The following ZNF628 variants were observed in gnomAD, a reference collection of about 807,000 sequenced individuals.
The protein encoded by ZNF628 is zinc finger protein Zec.
In ZNF628, 3 loss-of-function variants were observed where a neutral mutation model predicts 2.5. The observed-to-expected ratio is 1.19, with a 90% CI of 0.54 to 3.07. The LOEUF is 3.07. Ranked by LOEUF, ZNF628 falls within the 30% of genes most tolerant of loss-of-function variation. The probability of loss-of-function intolerance (pLI) is 0.03; values close to 1 mark genes in which losing one functional copy is unlikely to be tolerated. For synonymous variants in ZNF628, 861 were observed against 717.1 expected, an observed-to-expected ratio of 1.20 and a Z score of -3.21; for missense variants, 1,610 against 1,517.1, an observed-to-expected ratio of 1.06 and a Z score of -1.02.
Position 55,483,429 on chromosome 19 carries a change from C to A in ZNF628, c.2236C>A (p.Pro746Thr). 6.6e-7 allele frequency: 1 copy of A among 1,518,162 alleles called. No individual in the cohort carries two copies. Among genetic ancestry groups the A allele is most frequent in the South Asian group, 1.3e-5 (1 of 79,592 alleles). The allele number at this position is 1,518,162 out of a possible 1,614,324, so 94.0% of individuals were successfully genotyped here. A position where few individuals can be genotyped will look rare whatever the true frequency, so the allele number is the denominator to read the frequency against. ...PPAPPKLILL[P>T]SSSAGAGGGR... ...CGCACCTCCCAAGCTCATCCTGCTGCCCTCCTCCAGTGCTGGGGCTGGGGG... is the reference window on the plus strand; with the variant it reads ...CGCACCTCCCAAGCTCATCCTGCTGACCTCCTCCAGTGCTGGGGCTGGGGG... The change falls in exon 3 of 3, where the codon CCC becomes ACC. Residue 746 changes from proline to threonine, a missense_variant. Pro to Thr is a conservative substitution (Grantham distance 38). Around this residue, in one of 5 missense-constraint regions of ZNF628, gnomAD observed 712 missense variants for 603.6 expected, o/e 1.18. Transcript: ENST00000598519.
Position 55,481,589 on chromosome 19 carries a change from G to A in ZNF628, c.396G>A (p.Ser132=), listed in dbSNP as rs1451802881. The part of the protein sequence containing the change: ...CGQCGLAFKW[S]SHYQYHLRQH... ...AGTGCGGCCTGGCCTTCAAGTGGTC[G>A]TCCCACTACCAGTACCACTTAAGGC... is the stretch of plus-strand genomic sequence containing the variant. Residue 132 remains serine, a synonymous_variant, in exon 3 of 3, where the codon TCG becomes TCA. Transcript: ENST00000598519. The A allele has an allele frequency of 2.5e-6, 4 of 1,608,598 alleles. No individual in the cohort carries two copies. Among genetic ancestry groups the A allele is most frequent in the East Asian group, 2.2e-5 (1 of 44,534 alleles).
Position 55,479,716 on chromosome 19 carries a change from C to T in ZNF628, c.-77-118C>T. 2.6e-6 allele frequency: 1 copy of T among 386,538 alleles called. No individual in the cohort carries two copies. Among genetic ancestry groups the T allele is most frequent in the Non-Finnish European group, 4.6e-6 (1 of 218,674 alleles). 23.9% of individuals were successfully genotyped at this position (386,538 alleles called of 1,614,324 possible). On this transcript the variant is annotated intron_variant, in intron 1 of 2. Transcript: ENST00000598519. This position sits in a 1 kb window ranked among gnomAD's most constrained non-coding sequence, Gnocchi z 5.1. ...TCTAGTTAACAGATAACCCCAAATG[C>T]CTCCAGGCATTGCGGGATGTCCCCT...
In ZNF628 at chr19:55,482,142, C is replaced by T. The variant is rs1163391130; in HGVS notation, c.949C>T (p.Pro317Ser). Residue 317 changes from proline to serine, a missense_variant, in exon 3 of 3, where the codon CCC becomes TCC. Transcript: ENST00000598519. ...GCTGCTCCTGGAGCACCAGCCGTGCCCCGGGCCCGATGCGGCGCCCCAGCC... is the reference window on the plus strand; with the variant it reads ...GCTGCTCCTGGAGCACCAGCCGTGCTCCGGGCCCGATGCGGCGCCCCAGCC... The part of the protein sequence containing the change: ...EELLLEHQPC[P>S]GPDAAPQPQE... The T allele has an allele frequency of 2.0e-6, 3 of 1,502,682 alleles. No homozygotes were observed. The highest frequency in any genetic ancestry group is 2.7e-6 in the Non-Finnish European group (3 of 1,129,356). 93.1% of individuals were successfully genotyped at this position (1,502,682 alleles called of 1,614,324 possible).
At position 55,483,254 on chromosome 19, in the gene ZNF628, G is replaced by A. The variant is rs978583793; in HGVS notation, c.2061G>A (p.Thr687=). The A allele has an allele frequency of 8.5e-6, 13 of 1,530,714 alleles. No homozygotes were observed. The highest frequency in any genetic ancestry group is 1.1e-5 in the Non-Finnish European group (13 of 1,143,300). 94.8% of individuals were successfully genotyped at this position (1,530,714 alleles called of 1,614,324 possible). Reference sequence around the variant, plus strand: ...ACGTCCTGCCCCACCTCCAGGCCACGCTCTCCCTCGAGGTGGCGGGGGGCA... The same window carrying A: ...ACGTCCTGCCCCACCTCCAGGCCACACTCTCCCTCGAGGTGGCGGGGGGCA... ...DVHVLPHLQA[T]LSLEVAGGTA... The change falls in exon 3 of 3, where the codon ACG becomes ACA. Residue 687 remains threonine (T), a synonymous_variant. Coordinates refer to ENST00000598519, the MANE Select transcript of ZNF628 (RefSeq NM_033113.3).
rs1206414477 is a variant in ZNF628 at position 55,483,122 on chromosome 19, G to T, written c.1929G>T (p.Thr643=). The T allele has an allele frequency of 1.9e-6, 3 of 1,592,870 alleles. No homozygotes were observed. Among genetic ancestry groups the T allele is most frequent in the Non-Finnish European group, 2.6e-6 (3 of 1,174,996 alleles). ...MAAYLQRHLR[T]HAPANTPPST... is the part of the protein sequence containing the mutation. ...CCTATCTGCAGCGGCACCTGAGGAC[G>T]CACGCCCCGGCCAACACGCCTCCCA... Residue 643 remains threonine, a synonymous_variant, in exon 3 of 3, where the codon ACG becomes ACT. Coordinates refer to ENST00000598519, the MANE Select transcript of ZNF628 (RefSeq NM_033113.3).
rs1300998745 is a variant in ZNF628, at chr19:55,479,377, G to A, written c.-77-457G>A. The stretch of plus-strand genomic sequence containing the variant: ...TTGAGCTGCTCTGCTGTGAAGGAAT[G>A]GAGAAACGAGTCTGCAGCTGGACAG... On this transcript the variant is annotated intron_variant, in intron 1 of 2. Coordinates refer to ENST00000598519, the MANE Select transcript of ZNF628 (RefSeq NM_033113.3). This position sits in a 1 kb window ranked among gnomAD's most constrained non-coding sequence, Gnocchi z 5.1. Among the ~76,000 whole-genome samples, 1 of 152,240 alleles carries A rather than the reference G, an allele frequency of 6.6e-6. No individual in the cohort carries two copies. The highest frequency in any genetic ancestry group is 1.5e-5 in the Non-Finnish European group (1 of 68,048).
At chr19:55,481,175 C>G in intron 2 of ZNF628, 26 bp from the exon 3 acceptor site, 4 of 1,495,760 alleles carry the variant, frequency 2.7e-6, no homozygotes, top group Non-Finnish European at 3.6e-6. Context: ...CGGGGGTGAG[C>G]CGCTGACCCA....
At position 55,484,154 on chromosome 19, in the gene ZNF628, C is replaced by T. The variant is rs768867157; in HGVS notation, c.2961C>T (p.Asp987=). ...IRSAPATELL[D]SSNTGGGTAT... is the part of the protein sequence containing the mutation. ...GCGCCCCAGCCACTGAGCTGCTGGA[C>T]AGCAGCAACACTGGAGGAGGCACCG... is the stretch of plus-strand genomic sequence containing the variant. Residue 987 remains aspartate (D), a synonymous_variant, in exon 3 of 3, where the codon GAC becomes GAT. Transcript: ENST00000598519. The T allele has an allele frequency of 1.3e-6, 2 of 1,578,428 alleles. No homozygotes were observed. Among genetic ancestry groups the T allele is most frequent in the East Asian group, 2.4e-5 (1 of 42,432 alleles).
In ZNF628 at chr19:55,483,184, C is replaced by G; in HGVS notation, c.1991C>G (p.Ala664Gly). 8 of 1,549,896 alleles carry G rather than the reference C, an allele frequency of 5.2e-6. No individual in the cohort carries two copies. Among genetic ancestry groups the G allele is most frequent in the Non-Finnish European group, 6.9e-6 (8 of 1,155,134 alleles). The change falls in exon 3 of 3, where the codon GCT (alanine) becomes GGT (glycine). Residue 664 changes from alanine to glycine, a missense_variant. Around this residue, in one of 5 missense-constraint regions of ZNF628, gnomAD observed 712 missense variants for 603.6 expected, o/e 1.18. Transcript: ENST00000598519. ...CCTGCCGCCGGCCCCCAGCCCCCTG[C>G]TCCACTGGCTGCTGCGCGGGCCCCG... ...TAPAAGPQPP[A>G]PLAAARAPPA...
At chr19:55,478,371 C>T (rs1452589589) in intron 1 of ZNF628, among the ~76,000 whole-genome samples, 1 of 152,126 alleles carries the variant, frequency 6.6e-6, no homozygotes, top group Non-Finnish European at 1.5e-5. Flanking sequence ...GGTGAAAGAG[C>T]GAGTGGCGGG....
chr19:55,478,495 C>T (rs1986618065), intron 1 of ZNF628, among the ~76,000 whole-genome samples: 1 of 152,148 alleles, frequency 6.6e-6, no homozygotes. Context: ...GTGAGGATAG[C>T]AGTAGGACAA....
chr19:55,483,092 G>A lies in ZNF628; in HGVS notation c.1899G>A (p.Met633Ile), dbSNP rs746232658. 6 of 1,606,748 alleles carry A rather than the reference G, an allele frequency of 3.7e-6. No individual in the cohort carries two copies. The highest frequency in any genetic ancestry group is 5.1e-6 in the Non-Finnish European group (6 of 1,179,164). ...CCATCTGCGGTCGCGGCTTCGTTAT[G>A]GCCGCCTATCTGCAGCGGCACCTGA... ...TCPICGRGFV[M>I]AAYLQRHLRT... The change falls in exon 3 of 3, where the codon ATG (methionine) becomes ATA (isoleucine). Residue 633 changes from methionine (M) to isoleucine (I), a missense_variant. Transcript: ENST00000598519.
chr19:55,482,519 A>AC lies in ZNF628; in HGVS notation c.1331dup (p.Ser445ValfsTer441). Reference sequence around the variant, plus strand: ...CGCCTGCCGCCCCCGTCCCGCCGCCACCCCCGTCCGCCCCCGCTTCTGCGG... The same window carrying AC: ...CGCCTGCCGCCCCCGTCCCGCCGCCACCCCCCGTCCGCCCCCGCTTCTGCGG... On this transcript the variant is annotated frameshift_variant, in exon 3 of 3. Transcript: ENST00000598519. LOFTEE classifies it low-confidence loss of function (END_TRUNC). 1 of 912,294 alleles carries AC rather than the reference A, an allele frequency of 1.1e-6. No homozygotes were observed. Among genetic ancestry groups the AC allele is most frequent in the Non-Finnish European group, 1.6e-6 (1 of 637,384 alleles). 56.5% of individuals were successfully genotyped at this position (912,294 alleles called of 1,614,324 possible).
Position 55,482,420 on chromosome 19 carries a change from G to A in ZNF628, c.1227G>A (p.Val409=). The change falls in exon 3 of 3, where the codon GTG becomes GTA. Residue 409 remains valine (V), a synonymous_variant. Coordinates refer to ENST00000598519, the MANE Select transcript of ZNF628 (RefSeq NM_033113.3). The part of the protein sequence containing the change: ...ASLLAHQQCH[V]EEAAAGRPPP... The stretch of plus-strand genomic sequence containing the variant: ...TCCTGGCGCATCAGCAGTGCCACGT[G>A]GAAGAGGCCGCGGCCGGGCGCCCGC... 7.3e-7 allele frequency: 1 copy of A among 1,375,442 alleles called. No homozygotes were observed. 85.2% of individuals were successfully genotyped at this position (1,375,442 alleles called of 1,614,324 possible). A position where few individuals can be genotyped will look rare whatever the true frequency, so the allele number is the denominator to read the frequency against.
In ZNF628 at chr19:55,476,786, G is replaced by C. The variant is rs1383966116; in HGVS notation, c.-99G>C. The C allele has an allele frequency of 6.9e-6, 1 of 145,330 alleles. No homozygotes were observed. The highest frequency in any genetic ancestry group is 2.5e-5 in the African/African-American group (1 of 39,730). The allele number at this position is 145,330 out of a possible 1,614,324, so 9.0% of individuals were successfully genotyped here. A position where few individuals can be genotyped will look rare whatever the true frequency, so the allele number is the denominator to read the frequency against. ...GGAAGGTCCTGGGGCTGCCACCCTC[G>C]TTCCCCCGATTGGGGCCGCAGGTGA... On this transcript the variant is annotated 5_prime_UTR_variant, in exon 1 of 3. Transcript: ENST00000598519.
rs141911464 is a variant in ZNF628, at chr19:55,479,275, C to T, written c.-77-559C>T. 1.1e-3 allele frequency among the ~76,000 whole-genome samples: 170 copies of T among 152,242 alleles called. No individual in the cohort carries two copies. The highest frequency in any genetic ancestry group is 3.9e-3 in the African/African-American group (161 of 41,546). On this transcript the variant is annotated intron_variant, in intron 1 of 2. Coordinates refer to ENST00000598519, the MANE Select transcript of ZNF628 (RefSeq NM_033113.3). The surrounding 1 kb of genome is among the most constrained non-coding windows in gnomAD (Gnocchi z 5.1). ...GTGACAAGTGGGCCATTGCGGGCCA[C>T]GCGCCGCCCAGGCCATGGAGTGGGG...
chr19:55,476,832 T>G (rs1302399547), intron 1 of ZNF628, 25 bp downstream of exon 1: 153 of 14,980 alleles, frequency 0.01, no homozygotes, highest in East Asian at 0.018. Context: ...GGGGTGGGGG[T>G]GGGGGGAGGG....
rs1286455895 is a variant in ZNF628 at position 55,484,137 on chromosome 19, G to A, written c.2944G>A (p.Ala982Thr). The change falls in exon 3 of 3, where the codon GCC (alanine) becomes ACC (threonine). Residue 982 changes from alanine (A) to threonine (T), a missense_variant. By Grantham distance (58) the Ala-to-Thr change is moderately conservative (BLOSUM62 0). This residue lies in a region of ZNF628 where 712 missense variants were observed against 603.6 expected (regional missense o/e 1.18). Transcript: ENST00000598519. ...ACTCCTCATCATCCGCAGCGCCCCA[G>A]CCACTGAGCTGCTGGACAGCAGCAA... ...QKLLIIRSAP[A>T]TELLDSSNTG... The A allele has an allele frequency of 3.8e-6, 6 of 1,587,626 alleles. No individual in the cohort carries two copies. The Admixed American group carries it at 8.7e-5, about 23-fold the overall frequency.
Position 55,483,416 on chromosome 19 carries a change from G to A in ZNF628, c.2223G>A (p.Lys741=), listed in dbSNP as rs372924328. The change falls in exon 3 of 3, where the codon AAG becomes AAA. Residue 741 remains lysine (K), a synonymous_variant. Transcript: ENST00000598519. ...CTCCGCCCCCTCCCGCACCTCCCAA[G>A]CTCATCCTGCTGCCCTCCTCCAGTG... ...PTPPPPPAPP[K]LILLPSSSAG... The A allele has an allele frequency of 2.3e-5, 35 of 1,522,468 alleles. No homozygotes were observed. Among genetic ancestry groups the A allele is most frequent in the Middle Eastern group, 1.7e-4 (1 of 5,806 alleles). 94.3% of individuals were successfully genotyped at this position (1,522,468 alleles called of 1,614,324 possible). A position where few individuals can be genotyped will look rare whatever the true frequency, so the allele number is the denominator to read the frequency against.
Sources: gnomAD v4.1 joint callset for allele counts (sites outside exome capture counted in the v4.1 genomes callset) on GRCh38, gnomAD v4.1.1 for gene constraint, gnomAD v4.1.1 regional missense constraint, Gnocchi (gnomAD v3.1) non-coding constraint, MANE v1.5 for transcripts, NCBI Gene and HGNC (gene_info 2026-07-23, HGNC 2026-07-21) for gene names.